Variants in BAZ1B observed in about 807,000 individuals in gnomAD.
The protein encoded by BAZ1B is tyrosine-protein kinase BAZ1B.
In BAZ1B, 22 loss-of-function variants were observed where a neutral mutation model predicts 153.8. The observed-to-expected ratio is 0.14, with a 90% CI of 0.10 to 0.20. BAZ1B has a LOEUF of 0.20. BAZ1B is among the 10% of genes least tolerant of loss of function. The pLI is 1.00. For missense variants in BAZ1B, 1,325 were observed against 1,799.3 expected (o/e 0.74, Z 4.77); for synonymous variants, 676 against 633.4 (o/e 1.07, Z -1.01).
rs1398172445 is a variant in BAZ1B, at chr7:73,508,316, C to T, written c.369+11G>A. ...GATGGTAAGTCAAATCAGAAACGAA[C>T]AGGCACTCACCTCGAAGTCACACTC... On this transcript the variant is annotated intron_variant, in intron 3 of 19. Transcript: ENST00000339594. The T allele has an allele frequency of 3.7e-6, 6 of 1,610,918 alleles. No individual in the cohort carries two copies. In the African/African-American group the frequency reaches 6.7e-5, roughly 18 times the overall value.
chr7:73,446,745 G>C (rs1422036366), intron 16 of BAZ1B, among the ~76,000 whole-genome samples: 3 of 152,094 alleles, frequency 2.0e-5, no homozygotes, highest in Non-Finnish European at 4.4e-5. Flanking sequence ...GAACAGATCT[G>C]AATCTTCCTA....
At position 73,477,299 on chromosome 7, in the gene BAZ1B, T is replaced by A; in HGVS notation, c.2162A>T (p.Asp721Val). ...DDNKDSAAFE[D>V]NEVQDEFLEK... ...TAGGAACTCATCTTGTACCTCATTA[T>A]CCTCAAATGCAGCTGAATCTTTATT... is the stretch of plus-strand genomic sequence containing the variant. The change falls in exon 7 of 20, where the codon GAT becomes GTT. Residue 721 changes from aspartate to valine, a missense_variant. Physicochemically the swap from Asp to Val is radical, Grantham distance 152 (BLOSUM62 -3). Coordinates refer to ENST00000339594, the MANE Select transcript of BAZ1B (RefSeq NM_032408.4). The surrounding 1 kb of genome is among the most constrained non-coding windows in gnomAD (Gnocchi z 5.6). 1 of 1,614,250 alleles carries A rather than the reference T, an allele frequency of 6.2e-7. No individual in the cohort carries two copies. Among genetic ancestry groups the A allele is most frequent in the South Asian group, 1.1e-5 (1 of 91,080 alleles).
At chr7:73,521,438 T>A (rs554387198) in intron 1 of BAZ1B, among the ~76,000 whole-genome samples, 7 of 152,280 alleles carry the variant, frequency 4.6e-5, no homozygotes, top group South Asian at 2.1e-4. Context: ...TTTTAAAAAA[T>A]TTTTGTAAAA....
chr7:73,453,438 A>G lies in BAZ1B; in HGVS notation c.3433-2444T>C, dbSNP rs181448079. Among the ~76,000 whole-genome samples, 36 of 152,362 alleles carry G rather than the reference A, an allele frequency of 2.4e-4. 1 individual carries two copies. In the East Asian group the frequency reaches 6.0e-3, roughly 25 times the overall value. On this transcript the variant is annotated intron_variant, in intron 13 of 19. Coordinates refer to ENST00000339594, the MANE Select transcript of BAZ1B (RefSeq NM_032408.4). The stretch of plus-strand genomic sequence containing the variant: ...CTTCAGAAGTTAATGAGAACCCTAC[A>G]GTGATGGGTGAGTTCTCAATGAGAA...
chr7:73,500,215 A>G (rs1261528616), intron 3 of BAZ1B, among the ~76,000 whole-genome samples: 1 of 152,204 alleles, frequency 6.6e-6, no homozygotes, highest in African/African-American at 2.4e-5. Flanking sequence ...CAAAACTAAA[A>G]ACTGCTCTTC....
At chr7:73,509,811 A>T (rs1554578322) in intron 2 of BAZ1B, among the ~76,000 whole-genome samples, 1 of 151,382 alleles carries the variant, frequency 6.6e-6, no homozygotes, top group Non-Finnish European at 1.5e-5. Flanking sequence ...TTATTAAACT[A>T]GCAAAAAAAA....
chr7:73,518,878 A>G (rs1790920248), intron 1 of BAZ1B, among the ~76,000 whole-genome samples: 1 of 152,204 alleles, frequency 6.6e-6, no homozygotes. Context: ...AGTTGAAGTA[A>G]CACAACAAAA....
intron 13 of BAZ1B, among the ~76,000 whole-genome samples, chr7:73,451,928 A>C (rs782204195): frequency 1.8e-4 from 28 of 152,222 alleles, no homozygotes; most frequent in Non-Finnish European, 8.8e-5. Flanking sequence ...TCGGTTCTTT[A>C]AAAGTGCTTG....
rs111445438 is a variant in BAZ1B, at chr7:73,505,920, G to A, written c.369+2407C>T. ...AACTACGGACTATTATTACAATTTC[G>A]CTACATAACGGCTGAAAGCACTCAT... On this transcript the variant is annotated intron_variant, in intron 3 of 19. Coordinates refer to ENST00000339594, the MANE Select transcript of BAZ1B (RefSeq NM_032408.4). 6.7e-3 allele frequency among the ~76,000 whole-genome samples: 1,027 copies of A among 152,218 alleles called. 8 individuals carry two copies. Among genetic ancestry groups the A allele is most frequent in the Non-Finnish European group, 0.012 (783 of 68,016 alleles).
chr7:73,452,297 T>C (rs551648286), intron 13 of BAZ1B, among the ~76,000 whole-genome samples: 55 of 152,204 alleles, frequency 3.6e-4, no homozygotes, highest in Non-Finnish European at 2.8e-4. Flanking sequence ...CAATATCTCA[T>C]TGAATAGACA....
chr7:73,481,068 A>C (rs918907351), intron 6 of BAZ1B, among the ~76,000 whole-genome samples: 13 of 152,078 alleles, frequency 8.5e-5, no homozygotes, highest in Non-Finnish European at 1.5e-4. Context: ...CTGTGATTAC[A>C]GGTGTGCGCC....
At chr7:73,475,630 G>GTGGC (rs1176220531) in intron 7 of BAZ1B, among the ~76,000 whole-genome samples, 1 of 151,992 alleles carries the variant, frequency 6.6e-6, no homozygotes, top group African/African-American at 2.4e-5. Context: ...GCCAGGCATG[G>GTGGC]TGGCTGGCCC....
intron 11 of BAZ1B, chr7:73,464,182 T>C (rs1402250858): frequency 1.0e-6 from 1 of 984,504 alleles, no homozygotes; most frequent in African/African-American, 1.7e-5. Context: ...ATTTTCCTTC[T>C]CTCTTCCATC....
At chr7:73,521,517 G>A (rs1791040805) in intron 1 of BAZ1B, among the ~76,000 whole-genome samples, 1 of 152,164 alleles carries the variant, frequency 6.6e-6, no homozygotes, top group Admixed American at 6.5e-5. Flanking sequence ...AAGGCCTAAA[G>A]CCAACCCGGG....
At chr7:73,478,947 C>A (rs1318726153) in intron 6 of BAZ1B, among the ~76,000 whole-genome samples, 1 of 152,156 alleles carries the variant, frequency 6.6e-6, no homozygotes, top group Non-Finnish European at 1.5e-5. Flanking sequence ...GATATCTGAT[C>A]TACAAAATGG....
Position 73,465,517 on chromosome 7 carries a change from T to C in BAZ1B, c.2993A>G (p.Lys998Arg). 1 of 1,609,800 alleles carries C rather than the reference T, an allele frequency of 6.2e-7. No homozygotes were observed. The highest frequency in any genetic ancestry group is 8.5e-7 in the Non-Finnish European group (1 of 1,178,200). Reference protein sequence around the residue: ...QNLWFLCDSQKELDELLNCLH... With the variant: ...QNLWFLCDSQRELDELLNCLH... ...ACAGTTTAGCAACTCATCCAGCTCC[T>C]TTTGACTATCACATAAAAACCTGTA... is the stretch of plus-strand genomic sequence containing the variant. Residue 998 changes from lysine to arginine, a missense_variant, in exon 11 of 20, where the codon AAG becomes AGG. Physicochemically the swap from Lys to Arg is conservative, Grantham distance 26. Coordinates refer to ENST00000339594, the MANE Select transcript of BAZ1B (RefSeq NM_032408.4).
chr7:73,504,798 A>C (rs1291798167), intron 3 of BAZ1B, among the ~76,000 whole-genome samples: 3 of 152,202 alleles, frequency 2.0e-5, no homozygotes, highest in African/African-American at 7.2e-5. Flanking sequence ...ACTGCACTCC[A>C]GTCTGGAAGA....
intron 6 of BAZ1B, among the ~76,000 whole-genome samples, chr7:73,482,667 ACTT>A (rs1789246429): frequency 6.6e-6 from 1 of 152,236 alleles, no homozygotes. Flanking sequence ...GGTTCTTTAA[ACTT>A]CTTCCACTTA....
intron 7 of BAZ1B, among the ~76,000 whole-genome samples, chr7:73,473,045 A>C (rs1295173996): frequency 6.6e-6 from 1 of 150,970 alleles, no homozygotes; most frequent in Non-Finnish European, 1.5e-5. Flanking sequence ...TGGTTCAAGC[A>C]ATTCTCCTGC....
Sources: gnomAD v4.1 joint callset for allele counts (sites outside exome capture counted in the v4.1 genomes callset) on GRCh38, gnomAD v4.1.1 for gene constraint, Gnocchi (gnomAD v3.1) non-coding constraint, MANE v1.5 for transcripts, NCBI Gene and HGNC (gene_info 2026-07-23, HGNC 2026-07-21) for gene names.